RIC8B: variants seen among roughly 807,000 people sequenced by gnomAD.
RIC8B encodes the protein RIC8 guanine nucleotide exchange factor B.
Under a neutral mutation model 57.5 loss-of-function variants are expected in RIC8B, and 16 were observed. That is an observed-to-expected ratio of 0.28 (90% confidence interval 0.19 to 0.42). The LOEUF is 0.42. Ranked by LOEUF, RIC8B falls within the 10% of genes least tolerant of loss-of-function variation. RIC8B has a pLI of 1.00. For synonymous variants in RIC8B, 216 were observed against 250.8 expected (o/e 0.86, Z 1.31); for missense variants, 481 against 677.0 (o/e 0.71, Z 3.21).
intron 4 of RIC8B, among the ~76,000 whole-genome samples, chr12:106,830,569 T>C (rs899874969): frequency 6.6e-6 from 1 of 152,190 alleles, no homozygotes; most frequent in African/African-American, 2.4e-5. Context: ...GGGTTTGGAT[T>C]GGTTTTGTTG....
rs1951289799 is a variant in RIC8B, at chr12:106,888,849, C to G, written c.*2834C>G. ...GTCCTAAAATAAAGCATTTGAGCTGCTGCTACAGAGGAACAATCACCAGAT... is the reference window on the plus strand; with the variant it reads ...GTCCTAAAATAAAGCATTTGAGCTGGTGCTACAGAGGAACAATCACCAGAT... On this transcript the variant is annotated 3_prime_UTR_variant, in exon 10 of 10. Coordinates refer to ENST00000392837, the MANE Select transcript of RIC8B (RefSeq NM_001330145.2). 1 of 152,192 alleles carries G rather than the reference C, an allele frequency of 6.6e-6. No individual in the cohort carries two copies. Among genetic ancestry groups the G allele is most frequent in the Non-Finnish European group, 1.5e-5 (1 of 68,056 alleles). 9.4% of individuals were successfully genotyped at this position (152,192 alleles called of 1,614,324 possible). A position where few individuals can be genotyped will look rare whatever the true frequency, so the allele number is the denominator to read the frequency against.
At chr12:106,825,681 A>G (rs1368575430) in intron 3 of RIC8B, 45 bp from the exon 4 acceptor site, 4 of 1,426,162 alleles carry the variant, frequency 2.8e-6, no homozygotes, top group Non-Finnish European at 3.0e-6. Flanking sequence ...CCCACTGTTC[A>G]GGCATTCAAC....
intron 9 of RIC8B, among the ~76,000 whole-genome samples, chr12:106,877,358 G>T (rs904393279): frequency 6.6e-6 from 1 of 152,016 alleles, no homozygotes; most frequent in Non-Finnish European, 1.5e-5. Context: ...CTCAAAAGTT[G>T]TCTGATTATT....
In RIC8B at chr12:106,783,988, C is replaced by T; in HGVS notation, c.85-9C>T. On this transcript the variant is annotated splice_polypyrimidine_tract_variant and intron_variant, in intron 1 of 9. Coordinates refer to ENST00000392837, the MANE Select transcript of RIC8B (RefSeq NM_001330145.2). ...TAAAATGACATTGTTTCCCTTTTTT[C>T]CCCCTCAGCATAGGGCTACTTTCAA... is the stretch of plus-strand genomic sequence containing the variant. 1 of 1,609,884 alleles carries T rather than the reference C, an allele frequency of 6.2e-7. No individual in the cohort carries two copies. Among genetic ancestry groups the T allele is most frequent in the Non-Finnish European group, 8.5e-7 (1 of 1,178,154 alleles).
At chr12:106,798,446 A>T (rs1393077091) in intron 2 of RIC8B, among the ~76,000 whole-genome samples, 1 of 152,148 alleles carries the variant, frequency 6.6e-6, no homozygotes, top group Non-Finnish European at 1.5e-5. Context: ...TTCTTTTCTG[A>T]CTTCAGTGAT....
intron 2 of RIC8B, among the ~76,000 whole-genome samples, chr12:106,792,239 G>A (rs1205108857): frequency 2.0e-5 from 3 of 152,112 alleles, no homozygotes; most frequent in Non-Finnish European, 4.4e-5. Context: ...CTTCACGGTA[G>A]GTCAAAAAAA....
chr12:106,812,054 G>A (rs1191464209), intron 2 of RIC8B, among the ~76,000 whole-genome samples: 1 of 151,444 alleles, frequency 6.6e-6, no homozygotes, highest in African/African-American at 2.4e-5. Context: ...TATTTTTTAC[G>A]TGTTTTTGGT....
rs370824162 is a variant in RIC8B at position 106,781,505 on chromosome 12, T to C, written c.85-2492T>C. ...GCCAACATCTATTGGATCCAAACAC[T>C]CTTAGAGGTTTGAGCTTCTGAATAG... On this transcript the variant is annotated intron_variant, in intron 1 of 9. Transcript: ENST00000392837. 2.0e-4 allele frequency among the ~76,000 whole-genome samples: 31 copies of C among 152,308 alleles called. No individual in the cohort carries two copies. In the East Asian group the frequency reaches 3.9e-3, roughly 19 times the overall value.
chr12:106,810,939 C>T (rs142743640), intron 2 of RIC8B, among the ~76,000 whole-genome samples: 2 of 152,236 alleles, frequency 1.3e-5, no homozygotes, highest in African/African-American at 4.8e-5. Flanking sequence ...CACAATTGTT[C>T]AGAAGAAGAG....
At chr12:106,777,531 G>C (rs996767433) in intron 1 of RIC8B, among the ~76,000 whole-genome samples, 3 of 152,136 alleles carry the variant, frequency 2.0e-5, no homozygotes, top group Non-Finnish European at 2.9e-5. Context: ...GAGAGAGAGA[G>C]ACCGGTTCGT....
intron 1 of RIC8B, among the ~76,000 whole-genome samples, chr12:106,777,077 G>C (rs1269572300): frequency 6.6e-6 from 1 of 152,202 alleles, no homozygotes; most frequent in Non-Finnish European, 1.5e-5. Flanking sequence ...TGCCCAGGCT[G>C]CTCTCAAACT....
chr12:106,857,751 T>C (rs1443419718), intron 7 of RIC8B, among the ~76,000 whole-genome samples: 1 of 152,168 alleles, frequency 6.6e-6, no homozygotes, highest in Non-Finnish European at 1.5e-5. Flanking sequence ...AATAGGATAT[T>C]TTATGGTGTA....
chr12:106,845,346 A>G (rs950874272), intron 6 of RIC8B, among the ~76,000 whole-genome samples: 3 of 152,014 alleles, frequency 2.0e-5, no homozygotes, highest in Non-Finnish European at 4.4e-5. Context: ...CACACCTCCA[A>G]TGCTTACTGC....
intron 7 of RIC8B, among the ~76,000 whole-genome samples, chr12:106,856,917 G>A (rs777927925): frequency 4.7e-4 from 72 of 152,194 alleles, no homozygotes; most frequent in Non-Finnish European, 9.3e-4. Flanking sequence ...TGGCAACCTG[G>A]AAGAGGGAAT....
At chr12:106,809,522 C>CA (rs201411394) in intron 2 of RIC8B, among the ~76,000 whole-genome samples, 2,114 of 104,828 alleles carry the variant, frequency 0.02, 29 homozygotes, top group Non-Finnish European at 0.025. Context: ...ACTCTTGTCT[C>CA]AAAAAAAAAA....
At chr12:106,864,172 C>T (rs1429896620) in intron 8 of RIC8B, among the ~76,000 whole-genome samples, 1 of 152,074 alleles carries the variant, frequency 6.6e-6, no homozygotes, top group Non-Finnish European at 1.5e-5. Context: ...TCTTAAATTA[C>T]TTGAGACATT....
At chr12:106,829,945 C>G (rs543991208) in intron 4 of RIC8B, among the ~76,000 whole-genome samples, 1 of 152,168 alleles carries the variant, frequency 6.6e-6, no homozygotes, top group South Asian at 2.1e-4. Context: ...CTGATTAGTT[C>G]TCTCTTTCAT....
chr12:106,813,734 T>C (rs935326711), intron 2 of RIC8B, among the ~76,000 whole-genome samples: 5 of 152,216 alleles, frequency 3.3e-5, no homozygotes, highest in African/African-American at 9.7e-5. Context: ...TAAAATCTTA[T>C]ATTGGTAATA....
intron 4 of RIC8B, among the ~76,000 whole-genome samples, chr12:106,840,137 A>T (rs2046803790): frequency 6.6e-6 from 1 of 152,226 alleles, no homozygotes; most frequent in African/African-American, 2.4e-5. Flanking sequence ...AAGAAGATAC[A>T]TTTGACCAGC....
Sources: allele counts gnomAD v4.1 joint callset (sites outside exome capture counted in the v4.1 genomes callset), GRCh38; gene constraint gnomAD v4.1.1; transcripts MANE v1.5; gene names NCBI Gene and HGNC (gene_info 2026-07-23, HGNC 2026-07-21).